The following RAD51B variants were observed in gnomAD, a reference collection of about 807,000 sequenced individuals.
RAD51B encodes the protein DNA repair protein RAD51 homolog 2.
In RAD51B, 38 loss-of-function variants were observed where a neutral mutation model predicts 42.2. The ratio of observed to expected loss-of-function variants is 0.90; its 90% CI spans 0.70 to 1.18. The LOEUF (loss-of-function observed/expected upper bound fraction) is 1.18, where lower values mean the gene tolerates loss of function less well. Among genes scored for constraint, RAD51B ranks in the 50% most tolerant of loss-of-function variants. The pLI, the probability that RAD51B is intolerant of heterozygous loss-of-function variation, is 0.00. For missense variants in RAD51B, 373 were observed against 400.7 expected (o/e 0.93, Z 0.59); for synonymous variants, 154 against 145.2 (o/e 1.06, Z -0.43).
chr14:68,628,242 T>G (rs960553482), intron 10 of RAD51B: 3 of 152,220 alleles, frequency 2.0e-5, no homozygotes, highest in African/African-American at 4.8e-5. Context: ...GGAAGATGAC[T>G]ATTTCTTTTT....
intron 11 of RAD51B, among the ~76,000 whole-genome samples, chr14:68,677,380 C>T (rs1172027629): frequency 6.6e-6 from 1 of 152,202 alleles, no homozygotes; most frequent in African/African-American, 2.4e-5. Context: ...CGGGCCTCTT[C>T]ACATTGGACA....
Position 68,105,501 on chromosome 14 carries a change from G to C in RAD51B, c.757-186383G>C, listed in dbSNP as rs189427760. 5.2e-3 allele frequency among the ~76,000 whole-genome samples: 795 copies of C among 152,008 alleles called. 5 individuals are homozygous for C. Among genetic ancestry groups the C allele is most frequent in the Non-Finnish European group, 8.0e-3 (542 of 67,886 alleles). On this transcript the variant is annotated intron_variant, in intron 7 of 10. Transcript: ENST00000471583. ...GGAGAGGAGGACTATGGGCCTGGGGGTCAGGATGGGAGAATTTTGCATTAT... is the reference window on the plus strand; with the variant it reads ...GGAGAGGAGGACTATGGGCCTGGGGCTCAGGATGGGAGAATTTTGCATTAT...
intron 9 of RAD51B, among the ~76,000 whole-genome samples, chr14:68,435,486 T>G (rs2085122920): frequency 7.0e-6 from 1 of 142,370 alleles, no homozygotes; most frequent in Non-Finnish European, 1.5e-5. Context: ...GTACATGTGG[T>G]TTTTGGTTTT....
rs2076995377 is a variant in RAD51B, at chr14:68,086,992, G to C, written c.756+199788G>C. ...CTCTACTAAAAATACAAAATTAGCTGGGTGTGGTGGTGCATGCCTGTAATC... is the reference window on the plus strand; with the variant it reads ...CTCTACTAAAAATACAAAATTAGCTCGGTGTGGTGGTGCATGCCTGTAATC... On this transcript the variant is annotated intron_variant, in intron 7 of 10. Coordinates refer to ENST00000471583, the MANE Select transcript of RAD51B (RefSeq NM_133510.4). Among the ~76,000 whole-genome samples, 6 of 152,088 alleles carry C rather than the reference G, an allele frequency of 3.9e-5. No individual in the cohort carries two copies. In the South Asian group the frequency reaches 1.2e-3, roughly 32 times the overall value.
chr14:67,958,246 A>G (rs1756519579), intron 7 of RAD51B, among the ~76,000 whole-genome samples: 1 of 152,174 alleles, frequency 6.6e-6, no homozygotes, highest in South Asian at 2.1e-4. Flanking sequence ...TTATTTGATG[A>G]TGATGATGGT....
intron 7 of RAD51B, among the ~76,000 whole-genome samples, chr14:67,914,500 T>G (rs2044088404): frequency 6.6e-6 from 1 of 152,216 alleles, no homozygotes; most frequent in African/African-American, 2.4e-5. Flanking sequence ...TTAGGTTGTT[T>G]CTTTTCTCTT....
At chr14:68,334,657 G>T (rs1290026856) in intron 8 of RAD51B, among the ~76,000 whole-genome samples, 1 of 152,026 alleles carries the variant, frequency 6.6e-6, no homozygotes, top group South Asian at 2.1e-4. Flanking sequence ...CCATTCATCT[G>T]TTGATGGACC....
chr14:68,018,701 A>C (rs2084045173), intron 7 of RAD51B, among the ~76,000 whole-genome samples: 1 of 152,220 alleles, frequency 6.6e-6, no homozygotes, highest in Non-Finnish European at 1.5e-5. Flanking sequence ...ACAGCCACTC[A>C]AACAGTACTC....
intron 8 of RAD51B, among the ~76,000 whole-genome samples, chr14:68,372,140 A>T (rs2083277838): frequency 6.6e-6 from 1 of 152,342 alleles, no homozygotes; most frequent in Admixed American, 6.5e-5. Flanking sequence ...TGCTGCTAAG[A>T]GGTCCAATAA....
At chr14:68,143,666 C>G (rs1353811934) in intron 7 of RAD51B, among the ~76,000 whole-genome samples, 2 of 152,224 alleles carry the variant, frequency 1.3e-5, no homozygotes, top group Non-Finnish European at 2.9e-5. Flanking sequence ...GGCTACACTT[C>G]TATTTATGCC....
At chr14:68,388,785 G>A (rs2083667821) in intron 8 of RAD51B, among the ~76,000 whole-genome samples, 1 of 152,174 alleles carries the variant, frequency 6.6e-6, no homozygotes, top group South Asian at 2.1e-4. Context: ...GATGTGGGAA[G>A]TGCACCTCCC....
chr14:67,981,815 GAAAGGAATTAC>G (rs1395983305), intron 7 of RAD51B, among the ~76,000 whole-genome samples: 1 of 152,152 alleles, frequency 6.6e-6, no homozygotes, highest in East Asian at 1.9e-4. Context: ...TAGAGGAGGA[GAAAGGAATTAC>G]AAAGAGGCAC....
intron 7 of RAD51B, among the ~76,000 whole-genome samples, chr14:67,959,138 T>C (rs1385066881): frequency 6.6e-6 from 1 of 152,238 alleles, no homozygotes; most frequent in East Asian, 1.9e-4. Flanking sequence ...CTATAACCTA[T>C]TGAGGTTTAT....
chr14:68,498,267 G>T (rs1167256410), intron 10 of RAD51B, among the ~76,000 whole-genome samples: 4 of 152,212 alleles, frequency 2.6e-5, no homozygotes, highest in African/African-American at 9.6e-5. Context: ...CATGCAGGCA[G>T]AGAAAGGAGA....
chr14:68,404,019 G>A lies in RAD51B; in HGVS notation c.854-7405G>A, dbSNP rs192692818. ...TTGACTTACCTAAAAGAGTCTCTGA[G>A]AGAGTGGAGAATGAATGTTCCCACA... On this transcript the variant is annotated intron_variant, in intron 8 of 10. Transcript: ENST00000471583. 5.8e-4 allele frequency among the ~76,000 whole-genome samples: 89 copies of A among 152,332 alleles called. 1 individual carries two copies. The East Asian group carries it at 0.013, about 21-fold the overall frequency.
At chr14:67,981,852 G>A (rs1056795030) in intron 7 of RAD51B, among the ~76,000 whole-genome samples, 4 of 152,274 alleles carry the variant, frequency 2.6e-5, no homozygotes, top group Non-Finnish European at 5.9e-5. Context: ...AACTTCAGGA[G>A]GTTAAAGAAG....
chr14:68,314,167 T>C (rs868493505), intron 8 of RAD51B, among the ~76,000 whole-genome samples: 1 of 152,210 alleles, frequency 6.6e-6, no homozygotes, highest in Non-Finnish European at 1.5e-5. Flanking sequence ...CCAAGAGTGC[T>C]GATAGCAAGT....
intron 10 of RAD51B, among the ~76,000 whole-genome samples, chr14:68,516,600 A>G (rs1302913474): frequency 2.6e-5 from 4 of 152,278 alleles, no homozygotes; most frequent in African/African-American, 9.6e-5. Flanking sequence ...ACCAAAACTC[A>G]ACCAATAGTA....
At chr14:68,308,608 G>A (rs771640134) in intron 8 of RAD51B, among the ~76,000 whole-genome samples, 2 of 151,320 alleles carry the variant, frequency 1.3e-5, no homozygotes, top group Non-Finnish European at 2.9e-5. Context: ...TCTAGAGGAG[G>A]CTGAATCAGA....
Sources: gnomAD v4.1 joint callset for allele counts (sites outside exome capture counted in the v4.1 genomes callset) on GRCh38, gnomAD v4.1.1 for gene constraint, MANE v1.5 for transcripts, NCBI Gene and HGNC (gene_info 2026-07-23, HGNC 2026-07-21) for gene names.